The following ATP11C variants were observed in gnomAD, a reference collection of about 807,000 sequenced individuals.
The protein encoded by ATP11C is phospholipid-transporting ATPase IG.
A neutral mutation model predicts 97.4 loss-of-function variants in ATP11C; 36 were observed. That is an observed-to-expected ratio of 0.37 (90% CI 0.28 to 0.49). The LOEUF (loss-of-function observed/expected upper bound fraction) is 0.49. Ranked by LOEUF, ATP11C falls within the 20% of genes least tolerant of loss-of-function variation. The probability of loss-of-function intolerance (pLI) is 0.98; values close to 1 mark genes in which losing one functional copy is unlikely to be tolerated. For missense variants in ATP11C, 730 were observed against 824.6 expected (o/e 0.89, Z 1.40); for synonymous variants, 275 against 290.9 (o/e 0.95, Z 0.56).
chrX:139,748,386 C>T (rs746745412), intron 24 of ATP11C, among the ~76,000 whole-genome samples: 1 of 110,873 alleles, frequency 9.0e-6, no homozygotes, highest in South Asian at 4.0e-4. Context: ...CTGCCTACTA[C>T]TCCTCAAACC....
chrX:139,805,607 A>C (rs1053470565), intron 5 of ATP11C, among the ~76,000 whole-genome samples: 12 of 112,167 alleles, frequency 1.1e-4, no homozygotes, highest in Non-Finnish European at 2.1e-4. Flanking sequence ...ACCATGGTAC[A>C]TATTGAAAAT....
intron 6 of ATP11C, among the ~76,000 whole-genome samples, chrX:139,803,055 T>C (rs140063010): frequency 0.063 from 6,991 of 111,748 alleles, 265 homozygotes; most frequent in Admixed American, 0.16. Context: ...GGGAAAGCTG[T>C]TGTCGTCATC....
chrX:139,806,789 C>G (rs767891580), intron 5 of ATP11C, among the ~76,000 whole-genome samples: 22 of 111,207 alleles, frequency 2.0e-4, no homozygotes, highest in South Asian at 3.8e-4. Flanking sequence ...GAAATAGGCA[C>G]AAAAAAACCA....
chrX:139,811,544 G>A (rs934467743), intron 5 of ATP11C, among the ~76,000 whole-genome samples: 6 of 110,318 alleles, frequency 5.4e-5, no homozygotes, highest in African/African-American at 1.6e-4. Context: ...CCAAAACCAG[G>A]AAGGCTATCT....
intron 1 of ATP11C, among the ~76,000 whole-genome samples, chrX:139,899,036 A>G (rs1438547897): frequency 8.9e-6 from 1 of 111,908 alleles, no homozygotes; most frequent in Non-Finnish European, 1.9e-5. Flanking sequence ...ACACCAGTCT[A>G]ATCACGAGGA....
intron 1 of ATP11C, among the ~76,000 whole-genome samples, chrX:139,851,436 C>T (rs866918425): frequency 3.6e-5 from 4 of 112,452 alleles, no homozygotes; most frequent in Admixed American, 9.3e-5. Flanking sequence ...CAGGCAGAGA[C>T]TTGTCAGAGG....
chrX:139,784,711 G>A (rs1190214202), intron 16 of ATP11C, among the ~76,000 whole-genome samples: 1 of 111,110 alleles, frequency 9.0e-6, no homozygotes, highest in African/African-American at 3.3e-5. Context: ...CTGAGCTCTG[G>A]AGTGAAACTG....
intron 18 of ATP11C, among the ~76,000 whole-genome samples, chrX:139,778,479 T>A (rs2082391714): frequency 8.9e-6 from 1 of 111,817 alleles, no homozygotes; most frequent in Admixed American, 9.5e-5. Context: ...ACCTTGAATG[T>A]AAATGGCCTA....
At chrX:139,738,298 G>GA (rs1412432570) in intron 27 of ATP11C, among the ~76,000 whole-genome samples, 2 of 112,092 alleles carry the variant, frequency 1.8e-5, no homozygotes, top group Admixed American at 1.9e-4. Flanking sequence ...CATTTGACTT[G>GA]AAGACAATCA....
chrX:139,753,706 G>A (rs142628102), intron 23 of ATP11C, among the ~76,000 whole-genome samples: 2,856 of 111,185 alleles, frequency 0.026, 100 homozygotes, highest in East Asian at 0.16. Context: ...TACTTGGGAG[G>A]CTGAGGCAGG....
intron 1 of ATP11C, among the ~76,000 whole-genome samples, chrX:139,834,441 C>T (rs1237613858): frequency 1.8e-5 from 2 of 111,651 alleles, no homozygotes; most frequent in Non-Finnish European, 3.8e-5. Context: ...CATCTCTTCC[C>T]TCTCCCCAAA....
intron 1 of ATP11C, among the ~76,000 whole-genome samples, chrX:139,931,552 GTCTCCGGCTC>G (rs1157521891): frequency 8.9e-6 from 1 of 112,605 alleles, no homozygotes; most frequent in Admixed American, 9.3e-5. Context: ...TCTTGCCCTA[GTCTCCGGCTC>G]CCTCAGCCCC....
At chrX:139,829,108 G>A (rs182227531) in intron 1 of ATP11C, among the ~76,000 whole-genome samples, 182 of 111,547 alleles carry the variant, frequency 1.6e-3, no homozygotes, top group South Asian at 9.8e-3. Context: ...TGCACATCCC[G>A]GCAGTGATTG....
chrX:139,768,293 G>A lies in ATP11C; in HGVS notation c.2358C>T (p.Leu786=), dbSNP rs770282498. ...TCTGTAATGGTGCCATCCGACAGCA[G>A]AGCACTGCAGTACACTTCATACATA... The part of the protein sequence containing the change: ...LQICMKCTAV[L]CCRMAPLQKA... The change falls in exon 20 of 30, where the codon CTC becomes CTT. Residue 786 remains leucine (L), a synonymous_variant. Transcript: ENST00000682941. 1.8e-6 allele frequency: 2 copies of A among 1,139,546 alleles called. No homozygotes were observed. The highest frequency in any genetic ancestry group is 1.2e-6 in the Non-Finnish European group (1 of 857,366). The allele number at this position is 1,139,546 out of a possible 1,213,427, so 93.9% of individuals were successfully genotyped here.
intron 1 of ATP11C, among the ~76,000 whole-genome samples, chrX:139,908,983 T>A (rs1054388118): frequency 1.8e-5 from 2 of 112,192 alleles, no homozygotes; most frequent in Non-Finnish European, 3.8e-5. Context: ...AGGTCAAAGT[T>A]TCAGTTAATC....
At chrX:139,823,172 A>G (rs1414133837) in intron 2 of ATP11C, among the ~76,000 whole-genome samples, 2 of 111,793 alleles carry the variant, frequency 1.8e-5, no homozygotes, top group Non-Finnish European at 3.8e-5. Flanking sequence ...ATCGCGCGCC[A>G]CTACATTCCA....
intron 1 of ATP11C, among the ~76,000 whole-genome samples, chrX:139,889,650 G>A (rs758215755): frequency 8.9e-6 from 1 of 112,024 alleles, no homozygotes; most frequent in South Asian, 3.7e-4. Flanking sequence ...TTTAGGCAGA[G>A]ATCTACAACT....
chrX:139,930,159 T>C (rs1178551956), intron 1 of ATP11C, among the ~76,000 whole-genome samples: 1 of 111,277 alleles, frequency 9.0e-6, no homozygotes, highest in Non-Finnish European at 1.9e-5. Context: ...GCTGAGATCT[T>C]GGTCGGGGAT....
At chrX:139,819,461 G>A in intron 2 of ATP11C, 34 bp from the exon 3 acceptor site, 4 of 746,119 alleles carry the variant, frequency 5.4e-6, no homozygotes, top group Non-Finnish European at 7.7e-6. Context: ...ACACTGTTAT[G>A]AAGAAAACTT....
Sources: gnomAD v4.1 joint callset for allele counts (sites outside exome capture counted in the v4.1 genomes callset) on GRCh38, gnomAD v4.1.1 for gene constraint, MANE v1.5 for transcripts, NCBI Gene and HGNC (gene_info 2026-07-23, HGNC 2026-07-21) for gene names.